LAMC1: variants seen among roughly 807,000 people sequenced by gnomAD.
The protein encoded by LAMC1 is laminin subunit gamma 1.
Under a neutral mutation model 173.6 loss-of-function variants are expected in LAMC1, and 38 were observed. That is an observed-to-expected ratio of 0.22 (90% confidence interval 0.17 to 0.29). The LOEUF (loss-of-function observed/expected upper bound fraction) is 0.29. Ranked by LOEUF, LAMC1 falls within the 10% of genes least tolerant of loss-of-function variation. The pLI, the probability that LAMC1 is intolerant of heterozygous loss-of-function variation, is 1.00. For synonymous variants in LAMC1, 746 were observed against 749.1 expected, an observed-to-expected ratio of 1.00 and a Z score of 0.07; for missense variants, 1,824 against 2,051.8, an observed-to-expected ratio of 0.89 and a Z score of 2.14.
chr1:183,072,819 A>G lies in LAMC1; in HGVS notation c.419-30509A>G, dbSNP rs79162009. On this transcript the variant is annotated intron_variant, in intron 1 of 27. Transcript: ENST00000258341. ...ATAGGAGCATGAACCCTGTTGTGAA[A>G]TGTGCATGTGAGGGATCTAGGTTGC... Among the ~76,000 whole-genome samples the G allele has an allele frequency of 5.0e-4, 76 of 152,290 alleles. No individual in the cohort carries two copies. In the East Asian group the frequency reaches 0.013, roughly 26 times the overall value.
At position 183,127,371 on chromosome 1, in the gene LAMC1, A is replaced by G. The variant is rs1415634346; in HGVS notation, c.3090A>G (p.Glu1030=). Residue 1030 remains glutamate, a synonymous_variant, in exon 17 of 28, where the codon GAA becomes GAG. Transcript: ENST00000258341. The part of the protein sequence containing the change: ...FYNRSWPGCQ[E]CPACYRLVKD... ...ATCGGTCTTGGCCTGGCTGCCAGGA[A>G]TGTCCAGCTTGTTACCGGCTGGTAA... 5.0e-6 allele frequency: 8 copies of G among 1,614,016 alleles called. No individual in the cohort carries two copies. In the African/African-American group the frequency reaches 1.1e-4, roughly 22 times the overall value.
At chr1:183,030,941 C>T (rs917686971) in intron 1 of LAMC1, among the ~76,000 whole-genome samples, 9 of 152,062 alleles carry the variant, frequency 5.9e-5, no homozygotes, top group Admixed American at 2.0e-4. Context: ...ACCATAATTG[C>T]GCCTGTTGAA....
intron 1 of LAMC1, chr1:183,096,735 A>G (rs1434101702): frequency 1.3e-5 from 2 of 152,212 alleles, no homozygotes; most frequent in African/African-American, 4.8e-5. Context: ...TATACTTTCT[A>G]AGGGATTGTC....
At chr1:183,127,758 A>G (rs1009097213) in intron 17 of LAMC1, among the ~76,000 whole-genome samples, 9 of 152,188 alleles carry the variant, frequency 5.9e-5, no homozygotes, top group African/African-American at 2.2e-4. Context: ...CAGAGGCCTG[A>G]AAGCTGGAGA....
intron 14 of LAMC1, 87 bp from the exon 15 acceptor site, chr1:183,125,310 G>A: frequency 7.0e-7 from 1 of 1,422,132 alleles, no homozygotes; most frequent in Non-Finnish European, 9.9e-7. Flanking sequence ...GGCAACACAG[G>A]TCTAAAGAAT....
At chr1:183,055,742 G>A (rs1250700377) in intron 1 of LAMC1, among the ~76,000 whole-genome samples, 1 of 152,040 alleles carries the variant, frequency 6.6e-6, no homozygotes, top group Non-Finnish European at 1.5e-5. Flanking sequence ...AACCTGGGAG[G>A]CAGAGATTGC....
intron 1 of LAMC1, among the ~76,000 whole-genome samples, chr1:183,053,868 C>T (rs1246865412): frequency 6.6e-6 from 1 of 152,120 alleles, no homozygotes; most frequent in Non-Finnish European, 1.5e-5. Context: ...TCAGGCAATC[C>T]ACCCGCCTCG....
chr1:183,098,947 A>G (rs1454109258), intron 1 of LAMC1, among the ~76,000 whole-genome samples: 3 of 152,186 alleles, frequency 2.0e-5, no homozygotes, highest in African/African-American at 4.8e-5. Context: ...TCAGAAAACA[A>G]AAAAGAAAAG....
intron 1 of LAMC1, among the ~76,000 whole-genome samples, chr1:183,072,456 T>C (rs1473911784): frequency 6.6e-6 from 1 of 152,182 alleles, no homozygotes; most frequent in Admixed American, 6.5e-5. Flanking sequence ...CAAAGACCCT[T>C]CTTTATGGGT....
chr1:183,034,512 C>G (rs1653925704), intron 1 of LAMC1, among the ~76,000 whole-genome samples: 1 of 152,056 alleles, frequency 6.6e-6, no homozygotes, highest in Admixed American at 6.5e-5. Context: ...ACCTCGTGAT[C>G]TGCCCGCCTC....
intron 3 of LAMC1, among the ~76,000 whole-genome samples, chr1:183,109,172 A>G (rs1656072256): frequency 6.6e-6 from 1 of 152,140 alleles, no homozygotes; most frequent in African/African-American, 2.4e-5. Flanking sequence ...CAGAAAACTT[A>G]TTTTTGTTTA....
chr1:183,122,679 G>A (rs1558055561), intron 13 of LAMC1, among the ~76,000 whole-genome samples: 1 of 152,188 alleles, frequency 6.6e-6, no homozygotes, highest in African/African-American at 2.4e-5. Context: ...ACTGAGACCT[G>A]CATGCACTAC....
chr1:183,126,706 C>T (rs1656629763), intron 16 of LAMC1, among the ~76,000 whole-genome samples: 1 of 152,234 alleles, frequency 6.6e-6, no homozygotes, highest in African/African-American at 2.4e-5. Context: ...ATCTGCTTCT[C>T]CTTGGCATAA....
intron 17 of LAMC1, among the ~76,000 whole-genome samples, chr1:183,127,999 A>G (rs779479246): frequency 2.0e-5 from 3 of 152,184 alleles, no homozygotes; most frequent in Non-Finnish European, 4.4e-5. Context: ...AATGGGGCTT[A>G]ATGGGAAGCC....
chr1:183,116,929 T>C, intron 8 of LAMC1, 26 bp downstream of exon 8: 1 of 1,588,254 alleles, frequency 6.3e-7, no homozygotes, highest in Non-Finnish European at 8.6e-7. Flanking sequence ...TCCCCCAACC[T>C]GTTAGAACTG....
rs551045234 is a variant in LAMC1 at position 183,136,838 on chromosome 1, A to G, written c.4314+253A>G. ...ATGTCTCAGTGTGAGGTCTGGCTTC[A>G]GAGGTCTATAGAGCCCATTCCCACA... is the stretch of plus-strand genomic sequence containing the variant. On this transcript the variant is annotated intron_variant, in intron 25 of 27. Transcript: ENST00000258341. 2.0e-4 allele frequency among the ~76,000 whole-genome samples: 30 copies of G among 152,298 alleles called. 1 individual carries two copies. In the South Asian group the frequency reaches 6.2e-3, roughly 32 times the overall value.
In LAMC1 at chr1:183,024,258, A is replaced by G. The variant is rs1256863719; in HGVS notation, c.418+124A>G. 3 of 913,744 alleles carry G rather than the reference A, an allele frequency of 3.3e-6. No homozygotes were observed. The African/African-American group carries it at 5.1e-5, about 15-fold the overall frequency. 56.6% of individuals were successfully genotyped at this position (913,744 alleles called of 1,614,324 possible). On this transcript the variant is annotated intron_variant, in intron 1 of 27. Transcript: ENST00000258341. ...GCGTGTTTGCTCTCTGTTCCCCGGC[A>G]TGGGCCACACAGAAACTCCTTTCTC...
At chr1:183,134,566 A>G (rs1339373280) in intron 22 of LAMC1, 94 bp from the exon 23 acceptor site, 10 of 946,858 alleles carry the variant, frequency 1.1e-5, no homozygotes, top group Non-Finnish European at 1.6e-5. Context: ...TAAAAATATC[A>G]TTGAGTATTA....
chr1:183,088,100 A>G (rs971290873), intron 1 of LAMC1, among the ~76,000 whole-genome samples: 19 of 152,078 alleles, frequency 1.2e-4, no homozygotes, highest in African/African-American at 4.3e-4. Context: ...ACCACACCCA[A>G]CCAGAAAGGT....
Sources: gnomAD v4.1 joint callset for allele counts (sites outside exome capture counted in the v4.1 genomes callset) on GRCh38, gnomAD v4.1.1 for gene constraint, MANE v1.5 for transcripts, NCBI Gene and HGNC (gene_info 2026-07-23, HGNC 2026-07-21) for gene names.